PARD3B: variants seen among roughly 807,000 people sequenced by gnomAD.
PARD3B encodes partitioning defective 3 homolog B.
Under a neutral mutation model 130.2 loss-of-function variants are expected in PARD3B, and 103 were observed. That is an observed-to-expected ratio of 0.79 (90% CI 0.67 to 0.93). PARD3B has a LOEUF of 0.93. PARD3B is among the 40% of genes least tolerant of loss of function. The probability of loss-of-function intolerance (pLI) is 0.00; values close to 1 mark genes in which losing one functional copy is unlikely to be tolerated. For missense variants in PARD3B, 1,609 were observed against 1,499.2 expected (o/e 1.07, Z -1.21); for synonymous variants, 583 against 553.2 (o/e 1.05, Z -0.76).
chr2:205,602,681 G>A (rs1435190711), intron 22 of PARD3B, among the ~76,000 whole-genome samples: 4 of 152,106 alleles, frequency 2.6e-5, no homozygotes, highest in Admixed American at 2.6e-4. Context: ...CATTCTGATG[G>A]TTGTTTGTAT....
rs1342051241 is a variant in PARD3B at position 205,590,963 on chromosome 2, A to T, written c.3261-24493A>T. Among the ~76,000 whole-genome samples the T allele has an allele frequency of 6.6e-6, 1 of 152,168 alleles. No individual in the cohort carries two copies. The highest frequency in any genetic ancestry group is 1.5e-5 in the Non-Finnish European group (1 of 68,034). On this transcript the variant is annotated intron_variant, in intron 22 of 22. Transcript: ENST00000406610. This position sits in a 1 kb window ranked among gnomAD's most constrained non-coding sequence, Gnocchi z 4.1. ...ATAAAGGAAAAAGACAAGAGAGACA[A>T]GAATTATGTCTGTTTTGAGACCAGG...
At chr2:204,728,036 C>T (rs2039315810) in intron 2 of PARD3B, among the ~76,000 whole-genome samples, 4 of 152,142 alleles carry the variant, frequency 2.6e-5, no homozygotes, top group Non-Finnish European at 4.4e-5. Context: ...TCTGTTTAGC[C>T]CTTAGGGAAG....
At chr2:205,026,762 A>G (rs1306579269) in intron 3 of PARD3B, among the ~76,000 whole-genome samples, 3 of 152,146 alleles carry the variant, frequency 2.0e-5, no homozygotes, top group Non-Finnish European at 4.4e-5. Context: ...TCTGCATATG[A>G]TTGAGATGAG....
intron 1 of PARD3B, among the ~76,000 whole-genome samples, chr2:204,640,278 C>T (rs1449693414): frequency 1.3e-5 from 2 of 152,060 alleles, no homozygotes; most frequent in Non-Finnish European, 2.9e-5. Flanking sequence ...CAGATAGACT[C>T]CTTGCTCTTC....
intron 10 of PARD3B, among the ~76,000 whole-genome samples, chr2:205,137,662 G>T (rs988262549): frequency 1.3e-5 from 2 of 152,086 alleles, no homozygotes; most frequent in Non-Finnish European, 1.5e-5. Flanking sequence ...CTTATGCATG[G>T]AGCTGCATTG....
At chr2:205,059,308 A>G (rs1011041825) in intron 4 of PARD3B, among the ~76,000 whole-genome samples, 2 of 152,000 alleles carry the variant, frequency 1.3e-5, no homozygotes, top group African/African-American at 4.8e-5. Flanking sequence ...CTATATGCTT[A>G]GCTTTATCTC....
Position 204,943,154 on chromosome 2 carries a change from ATGTG to A in PARD3B, c.223-21988_223-21985del, listed in dbSNP as rs904473098. 1.3e-5 allele frequency among the ~76,000 whole-genome samples: 2 copies of A among 151,398 alleles called. No homozygotes were observed. The highest frequency in any genetic ancestry group is 2.9e-5 in the Non-Finnish European group (2 of 67,810). Reference sequence around the variant, plus strand: ...AGTTTTTCACATTCTTAATGTGTGTATGTGTGTGTGTGTATGTGTATGCATATAT... The same window carrying A: ...AGTTTTTCACATTCTTAATGTGTGTATGTGTGTGTATGTGTATGCATATAT... On this transcript the variant is annotated intron_variant, in intron 2 of 22. Coordinates refer to ENST00000406610, the MANE Select transcript of PARD3B (RefSeq NM_001302769.2). This position sits in a 1 kb window ranked among gnomAD's most constrained non-coding sequence, Gnocchi z 4.2.
intron 2 of PARD3B, among the ~76,000 whole-genome samples, chr2:204,858,535 G>C (rs2045051576): frequency 6.6e-6 from 1 of 150,484 alleles, no homozygotes; most frequent in Non-Finnish European, 1.5e-5. Flanking sequence ...AATATATAGA[G>C]AGGATAAAAC....
At chr2:205,159,047 G>T (rs2034355184) in intron 11 of PARD3B, 140 bp downstream of exon 11, 7 of 858,612 alleles carry the variant, frequency 8.2e-6, no homozygotes, top group Non-Finnish European at 1.2e-5. Flanking sequence ...ATATATGTGT[G>T]AACAGATCTG....
At chr2:204,762,002 T>G (rs2040920102) in intron 2 of PARD3B, among the ~76,000 whole-genome samples, 1 of 152,030 alleles carries the variant, frequency 6.6e-6, no homozygotes, top group African/African-American at 2.4e-5. Context: ...GTCTTTAATA[T>G]CTAAGGAAAA....
rs776663574 is a variant in PARD3B at position 205,172,326 on chromosome 2, A to C, written c.1736A>C (p.Asn579Thr). The C allele has an allele frequency of 6.2e-7, 1 of 1,614,126 alleles. No homozygotes were observed. Among genetic ancestry groups the C allele is most frequent in the South Asian group, 1.1e-5 (1 of 91,076 alleles). ...AGGCGGTCAATGTCCATGGAGGGAA[A>C]CATCCGAGGGATGATCCAGTTGGTG... ...TLRRSMSMEG[N>T]IRGMIQLVIL... Residue 579 changes from asparagine (N) to threonine (T), a missense_variant, in exon 12 of 23, where the codon AAC becomes ACC. Physicochemically the swap from Asn to Thr is moderately conservative, Grantham distance 65. Coordinates refer to ENST00000406610, the MANE Select transcript of PARD3B (RefSeq NM_001302769.2).
At position 204,965,143 on chromosome 2, in the gene PARD3B, T is replaced by C; in HGVS notation, c.223-9T>C. The C allele has an allele frequency of 1.2e-6, 2 of 1,611,392 alleles. No individual in the cohort carries two copies. The highest frequency in any genetic ancestry group is 1.7e-6 in the Non-Finnish European group (2 of 1,178,236). ...ACAAAGTAATTAGTGTTGTTGGATTTGTTTGTAGCTGATTGCTGTGTTTGA... is the reference window on the plus strand; with the variant it reads ...ACAAAGTAATTAGTGTTGTTGGATTCGTTTGTAGCTGATTGCTGTGTTTGA... On this transcript the variant is annotated splice_polypyrimidine_tract_variant and intron_variant, in intron 2 of 22. Transcript: ENST00000406610.
Position 205,584,077 on chromosome 2 carries a change from A to C in PARD3B, c.3260+30674A>C, listed in dbSNP as rs945221377. On this transcript the variant is annotated intron_variant, in intron 22 of 22. Transcript: ENST00000406610. The surrounding 1 kb of genome is among the most constrained non-coding windows in gnomAD (Gnocchi z 5.5). ...TTCGAAGTATTTAGGAAAATGCTTC[A>C]AAGTCAAAAATTACAAGCAGTTAAT... Among the ~76,000 whole-genome samples the C allele has an allele frequency of 9.9e-5, 15 of 152,214 alleles. No homozygotes were observed. In the East Asian group the frequency reaches 2.9e-3, roughly 29 times the overall value.
At chr2:204,737,172 A>G (rs2039794969) in intron 2 of PARD3B, among the ~76,000 whole-genome samples, 1 of 152,102 alleles carries the variant, frequency 6.6e-6, no homozygotes, top group African/African-American at 2.4e-5. Flanking sequence ...GGGTTTCTCC[A>G]TGTTGGTCAG....
intron 16 of PARD3B, among the ~76,000 whole-genome samples, chr2:205,278,705 A>C (rs553402436): frequency 6.6e-6 from 1 of 152,272 alleles, no homozygotes; most frequent in East Asian, 1.9e-4. Flanking sequence ...AATTGTGCCT[A>C]CTTAACTCCT....
Position 204,656,338 on chromosome 2 carries a change from T to C in PARD3B, c.121-29843T>C, listed in dbSNP as rs971776145. 2.7e-5 allele frequency among the ~76,000 whole-genome samples: 4 copies of C among 150,722 alleles called. 1 individual carries two copies. Among genetic ancestry groups the C allele is most frequent in the Admixed American group, 2.6e-4 (4 of 15,162 alleles). ...GTCAGTAGAAGGCATTGAATACAGA[T>C]ATATGGAAGGTTTACATGATAGAAA... On this transcript the variant is annotated intron_variant, in intron 1 of 22. Coordinates refer to ENST00000406610, the MANE Select transcript of PARD3B (RefSeq NM_001302769.2).
At position 205,276,792 on chromosome 2, in the gene PARD3B, G is replaced by A. The variant is rs1280776744; in HGVS notation, c.2186-23738G>A. On this transcript the variant is annotated intron_variant, in intron 16 of 22. Coordinates refer to ENST00000406610, the MANE Select transcript of PARD3B (RefSeq NM_001302769.2). This position sits in a 1 kb window ranked among gnomAD's most constrained non-coding sequence, Gnocchi z 5.0. ...CCTATAGATTGGTGGTTAACCACAT[G>A]GATATTGCTGTCAGACCTGGGTTTG... 1.3e-5 allele frequency among the ~76,000 whole-genome samples: 2 copies of A among 152,210 alleles called. No homozygotes were observed. Among genetic ancestry groups the A allele is most frequent in the Non-Finnish European group, 2.9e-5 (2 of 68,042 alleles).
Position 205,256,464 on chromosome 2 carries a change from A to G in PARD3B, c.2185+10642A>G, listed in dbSNP as rs574057419. Among the ~76,000 whole-genome samples, 29 of 152,312 alleles carry G rather than the reference A, an allele frequency of 1.9e-4. No individual in the cohort carries two copies. The South Asian group carries it at 5.6e-3, about 29-fold the overall frequency. On this transcript the variant is annotated intron_variant, in intron 16 of 22. Transcript: ENST00000406610. ...AACAATAGGAATGCAAACAGTGACA[A>G]TACCATGTGCTTATGTATAAATGCA...
At chr2:205,485,038 A>T (rs2049385655) in intron 20 of PARD3B, among the ~76,000 whole-genome samples, 1 of 152,204 alleles carries the variant, frequency 6.6e-6, no homozygotes, top group Non-Finnish European at 1.5e-5. Context: ...GCTCCATGGC[A>T]GATACTCAGG....
Sources: allele counts gnomAD v4.1 joint callset (sites outside exome capture counted in the v4.1 genomes callset), GRCh38; gene constraint gnomAD v4.1.1; non-coding constraint Gnocchi (gnomAD v3.1); transcripts MANE v1.5; gene names NCBI Gene and HGNC (gene_info 2026-07-23, HGNC 2026-07-21).